Variants in PACRG observed in about 807,000 individuals in gnomAD.
PACRG encodes parkin coregulated gene protein.
Under a neutral mutation model 29.7 loss-of-function variants are expected in PACRG, and 29 were observed. That is an observed-to-expected ratio of 0.98 (90% confidence interval 0.73 to 1.33). PACRG has a LOEUF of 1.33. Among genes scored for constraint, PACRG ranks in the 40% most tolerant of loss-of-function variants. The probability of loss-of-function intolerance (pLI) is 0.00; values close to 1 mark genes in which losing one functional copy is unlikely to be tolerated. For synonymous variants in PACRG, 116 were observed against 118.7 expected, an observed-to-expected ratio of 0.98 and a Z score of 0.15; for missense variants, 279 against 316.2, an observed-to-expected ratio of 0.88 and a Z score of 0.89.
intron 2 of PACRG, among the ~76,000 whole-genome samples, chr6:162,962,123 C>A (rs886482392): frequency 1.3e-5 from 2 of 152,092 alleles, no homozygotes; most frequent in Non-Finnish European, 2.9e-5. Context: ...CCTTTTCTGG[C>A]CCTACCTCAT....
rs1562742480 is a variant in PACRG, at chr6:162,927,834, A to AAAC, written c.291+113555_291+113556insCAA. Among the ~76,000 whole-genome samples, 1,306 of 148,064 alleles carry AAAC rather than the reference A, an allele frequency of 8.8e-3. 16 individuals carry two copies. Among genetic ancestry groups the AAAC allele is most frequent in the African/African-American group, 0.032 (1,260 of 38,936 alleles). Reference sequence around the variant, plus strand: ...GCAAACAAACAAACAAACAAACAAAAAAATGAAACATTCTTGGATCCCTGG... The same window carrying AAAC: ...GCAAACAAACAAACAAACAAACAAAAAACAAATGAAACATTCTTGGATCCCTGG... On this transcript the variant is annotated intron_variant, in intron 2 of 4. Transcript: ENST00000366888.
intron 2 of PACRG, among the ~76,000 whole-genome samples, chr6:162,963,207 A>G (rs1014545137): frequency 1.3e-5 from 2 of 152,184 alleles, no homozygotes; most frequent in African/African-American, 4.8e-5. Flanking sequence ...TTAAAGTATA[A>G]AAGATTTCCT....
chr6:162,954,010 C>T (rs1799844006), intron 2 of PACRG, among the ~76,000 whole-genome samples: 1 of 152,116 alleles, frequency 6.6e-6, no homozygotes, highest in African/African-American at 2.4e-5. Context: ...ATACCTATAA[C>T]CTCAATATTT....
intron 4 of PACRG, among the ~76,000 whole-genome samples, chr6:163,161,026 C>G (rs1009841307): frequency 1.3e-5 from 2 of 152,170 alleles, no homozygotes. Flanking sequence ...AGCGGCAAAG[C>G]CAGGATTTAA....
intron 2 of PACRG, among the ~76,000 whole-genome samples, chr6:162,881,774 GGGA>G (rs1320706130): frequency 2.7e-5 from 4 of 147,704 alleles, no homozygotes; most frequent in Non-Finnish European, 6.0e-5. Context: ...ACAGAGATCC[GGGA>G]GGCTCTCCCC....
intron 2 of PACRG, among the ~76,000 whole-genome samples, chr6:163,052,853 G>A (rs1269016001): frequency 6.6e-6 from 1 of 151,996 alleles, no homozygotes; most frequent in African/African-American, 2.4e-5. Flanking sequence ...GCTGACCAAA[G>A]GTCATTGTAA....
intron 2 of PACRG, among the ~76,000 whole-genome samples, chr6:162,980,245 G>A (rs575476458): frequency 6.6e-5 from 10 of 151,976 alleles, no homozygotes; most frequent in African/African-American, 2.4e-4. Flanking sequence ...TAATTACACT[G>A]CATACAGATC....
At chr6:162,970,121 T>G (rs2128157935) in intron 2 of PACRG, among the ~76,000 whole-genome samples, 1 of 152,190 alleles carries the variant, frequency 6.6e-6, no homozygotes, top group East Asian at 1.9e-4. Flanking sequence ...TGCCTTCTCA[T>G]GTGAGTTGCA....
chr6:162,898,861 G>A (rs1024728685), intron 2 of PACRG, among the ~76,000 whole-genome samples: 1 of 152,172 alleles, frequency 6.6e-6, no homozygotes, highest in African/African-American at 2.4e-5. Context: ...TGGAATTACT[G>A]TCTAAATCCA....
At chr6:162,885,561 G>A (rs868143234) in intron 2 of PACRG, among the ~76,000 whole-genome samples, 5 of 152,096 alleles carry the variant, frequency 3.3e-5, no homozygotes, top group African/African-American at 4.8e-5. Context: ...GTGAGCCACC[G>A]TGCCTGGCCT....
intron 4 of PACRG, among the ~76,000 whole-genome samples, chr6:163,219,557 A>T (rs1040223871): frequency 6.6e-6 from 1 of 152,004 alleles, no homozygotes; most frequent in South Asian, 2.1e-4. Flanking sequence ...ATACCTCCCA[A>T]TGGTTTCTCA....
At chr6:162,974,673 T>C (rs1801799532) in intron 2 of PACRG, among the ~76,000 whole-genome samples, 1 of 152,254 alleles carries the variant, frequency 6.6e-6, no homozygotes, top group Non-Finnish European at 1.5e-5. Flanking sequence ...ATAATGATGA[T>C]GATATTAATA....
intron 4 of PACRG, among the ~76,000 whole-genome samples, chr6:163,226,013 T>C (rs1781779970): frequency 6.6e-6 from 1 of 152,022 alleles, no homozygotes; most frequent in African/African-American, 2.4e-5. Context: ...ACCCTGTCTC[T>C]ACCAAAAAAA....
At chr6:162,915,556 A>ATT (rs1796641147) in intron 2 of PACRG, among the ~76,000 whole-genome samples, 1 of 152,054 alleles carries the variant, frequency 6.6e-6, no homozygotes, top group Admixed American at 6.5e-5. Flanking sequence ...TAGATCTGTC[A>ATT]TTTTATTATG....
intron 1 of PACRG, among the ~76,000 whole-genome samples, chr6:162,779,557 A>G (rs1339307906): frequency 2.0e-5 from 3 of 152,234 alleles, no homozygotes; most frequent in African/African-American, 7.2e-5. Context: ...TGGCAAACAA[A>G]CATTGTAACA....
intron 2 of PACRG, among the ~76,000 whole-genome samples, chr6:162,978,894 T>A (rs182429177): frequency 6.6e-6 from 1 of 152,330 alleles, no homozygotes; most frequent in Non-Finnish European, 1.5e-5. Context: ...TGACTCATCC[T>A]TAGAAGAATT....
At chr6:162,771,326 C>T (rs751656412) in intron 1 of PACRG, among the ~76,000 whole-genome samples, 4 of 152,252 alleles carry the variant, frequency 2.6e-5, no homozygotes, top group Non-Finnish European at 4.4e-5. Flanking sequence ...TGGAGGACAA[C>T]GGGTTCTATA....
At chr6:163,169,309 C>A (rs1299843693) in intron 4 of PACRG, among the ~76,000 whole-genome samples, 1 of 152,188 alleles carries the variant, frequency 6.6e-6, no homozygotes, top group Non-Finnish European at 1.5e-5. Flanking sequence ...GGAAAGAGAG[C>A]ACCTTTCCTC....
chr6:163,236,977 A>G (rs1450064974), intron 4 of PACRG, among the ~76,000 whole-genome samples: 2 of 152,146 alleles, frequency 1.3e-5, no homozygotes, highest in African/African-American at 2.4e-5. Context: ...AGAACTCACT[A>G]TCATGAGAAC....
Sources: gnomAD v4.1 joint callset for allele counts (sites outside exome capture counted in the v4.1 genomes callset) on GRCh38, gnomAD v4.1.1 for gene constraint, MANE v1.5 for transcripts, NCBI Gene and HGNC (gene_info 2026-07-23, HGNC 2026-07-21) for gene names.